MYO16: variants seen among roughly 807,000 people sequenced by gnomAD.
MYO16 encodes myosin XVI.
A neutral mutation model predicts 205.3 loss-of-function variants in MYO16; 94 were observed. The ratio of observed to expected loss-of-function variants is 0.46; its 90% CI spans 0.39 to 0.54. The LOEUF (loss-of-function observed/expected upper bound fraction) is 0.54. MYO16 is among the 20% of genes least tolerant of loss of function. The pLI is 0.00. For synonymous variants in MYO16, 988 were observed against 954.0 expected, an observed-to-expected ratio of 1.04 and a Z score of -0.66; for missense variants, 2,315 against 2,387.5, an observed-to-expected ratio of 0.97 and a Z score of 0.63.
At position 108,910,146 on chromosome 13, in the gene MYO16, C is replaced by A; in HGVS notation, c.1921C>A (p.His641Asn). ...ACTTCATCTTAATAATTTATGTGCACACCGGTGAGTGACTAAGTATTTTGT... is the reference window on the plus strand; with the variant it reads ...ACTTCATCTTAATAATTTATGTGCAAACCGGTGAGTGACTAAGTATTTTGT... ...YGLHLNNLCA[H>N]RYLNQTIQDD... The change falls in exon 16 of 35, where the codon CAC becomes AAC. Residue 641 changes from histidine (H) to asparagine (N), a missense_variant. Physicochemically the swap from His to Asn is moderately conservative, Grantham distance 68. This residue lies in a region of MYO16 where 1,213 missense variants were observed against 1,274.4 expected (regional missense o/e 0.95). Coordinates refer to ENST00000457511, the MANE Select transcript of MYO16 (RefSeq NM_001198950.3). The A allele has an allele frequency of 6.2e-7, 1 of 1,611,884 alleles. No individual in the cohort carries two copies. Among genetic ancestry groups the A allele is most frequent in the Non-Finnish European group, 8.5e-7 (1 of 1,178,726 alleles).
At chr13:108,738,621 G>A (rs1422579725) in intron 4 of MYO16, among the ~76,000 whole-genome samples, 1 of 152,144 alleles carries the variant, frequency 6.6e-6, no homozygotes, top group South Asian at 2.1e-4. Flanking sequence ...CTGTTGATTC[G>A]GGGTGAAGAG....
chr13:108,762,416 C>A (rs766192839), intron 4 of MYO16, among the ~76,000 whole-genome samples: 18 of 152,250 alleles, frequency 1.2e-4, no homozygotes, highest in Middle Eastern at 3.4e-3. Context: ...TGAGAAATAT[C>A]CATACTGTTT....
At chr13:108,712,118 T>C (rs181761586) in intron 2 of MYO16, among the ~76,000 whole-genome samples, 46 of 152,328 alleles carry the variant, frequency 3.0e-4, no homozygotes, top group Admixed American at 2.7e-3. Flanking sequence ...GTAATTGGTA[T>C]ATAGTTTGAT....
Position 109,141,453 on chromosome 13 carries a change from C to A in MYO16, c.5164+77C>A. On this transcript the variant is annotated intron_variant, in intron 32 of 34. Transcript: ENST00000457511. This position sits in a 1 kb window ranked among gnomAD's most constrained non-coding sequence, Gnocchi z 4.1. Reference sequence around the variant, plus strand: ...GTGCACCTGTGTACATCCGTGTCTGCGCAGATGTGAAATAGTAAAGTTTCA... The same window carrying A: ...GTGCACCTGTGTACATCCGTGTCTGAGCAGATGTGAAATAGTAAAGTTTCA... 1 of 999,886 alleles carries A rather than the reference C, an allele frequency of 1.0e-6. No individual in the cohort carries two copies. The highest frequency in any genetic ancestry group is 1.4e-6 in the Non-Finnish European group (1 of 732,930). The allele number at this position is 999,886 out of a possible 1,614,324, so 61.9% of individuals were successfully genotyped here.
intron 28 of MYO16, among the ~76,000 whole-genome samples, chr13:109,117,127 T>TA (rs1345974008): frequency 7.1e-6 from 1 of 141,402 alleles, no homozygotes; most frequent in Non-Finnish European, 1.5e-5. Flanking sequence ...TTCTGTGACT[T>TA]ATTCTGGATT....
chr13:108,922,666 G>A (rs553724320), intron 16 of MYO16, among the ~76,000 whole-genome samples: 9 of 152,314 alleles, frequency 5.9e-5, no homozygotes, highest in Admixed American at 2.0e-4. Flanking sequence ...GACATACGTC[G>A]TAGGAGTTAT....
intron 27 of MYO16, among the ~76,000 whole-genome samples, chr13:109,083,470 T>G (rs1049680850): frequency 8.9e-5 from 13 of 146,806 alleles, no homozygotes; most frequent in African/African-American, 3.3e-4. Flanking sequence ...GAATTGTCCA[T>G]TGGGTCTGTG....
intron 12 of MYO16, among the ~76,000 whole-genome samples, chr13:108,879,343 CA>C (rs1879488643): frequency 6.6e-6 from 1 of 151,888 alleles, no homozygotes. Context: ...ATAAATTGTA[CA>C]GGCAACTTTT....
Position 108,666,045 on chromosome 13 carries a change from A to T in MYO16, c.188A>T (p.Gln63Leu). ...YYEREKAFQKQEGFLKRLKHA... is the reference protein window; with the variant it reads ...YYEREKAFQKLEGFLKRLKHA... ...GAGCGCGAGAAGGCTTTTCAGAAGC[A>T]GGAAGGGTTCCTGAAAAGGCTGAAG... The change falls in exon 2 of 35, where the codon CAG (glutamine) becomes CTG (leucine). Residue 63 changes from glutamine (Q) to leucine (L), a missense_variant. Physicochemically the swap from Gln to Leu is moderately radical, Grantham distance 113. Transcript: ENST00000457511. The T allele has an allele frequency of 6.2e-7, 1 of 1,614,194 alleles. No homozygotes were observed. Among genetic ancestry groups the T allele is most frequent in the Non-Finnish European group, 8.5e-7 (1 of 1,180,014 alleles).
intron 24 of MYO16, among the ~76,000 whole-genome samples, chr13:109,049,719 A>G (rs1195245242): frequency 6.6e-6 from 1 of 152,062 alleles, no homozygotes; most frequent in East Asian, 1.9e-4. Context: ...ACTATAAATA[A>G]TTATTTAAGT....
At chr13:109,086,548 A>G (rs1888439904) in intron 27 of MYO16, among the ~76,000 whole-genome samples, 1 of 152,178 alleles carries the variant, frequency 6.6e-6, no homozygotes, top group African/African-American at 2.4e-5. Flanking sequence ...GATCTTCATT[A>G]CCATTATTAG....
At chr13:108,554,477 C>T in the MYO16 span, among the ~76,000 whole-genome samples, 14 of 152,246 alleles carry the variant, frequency 9.2e-5, no homozygotes, top group Admixed American at 2.0e-4. Context: ...TTATTCTTGT[C>T]CACTTATGCA....
chr13:108,629,953 G>T, intron 1 of MYO16, 81 bp downstream of exon 1: 1 of 1,268,398 alleles, frequency 7.9e-7, no homozygotes, highest in Non-Finnish European at 1.1e-6. Flanking sequence ...AATTAAGGCA[G>T]TTCTCCTGGT....
At chr13:109,123,074 AAATT>A (rs1473934132) in intron 29 of MYO16, among the ~76,000 whole-genome samples, 1 of 152,228 alleles carries the variant, frequency 6.6e-6, no homozygotes, top group Non-Finnish European at 1.5e-5. Flanking sequence ...AAATATCTGT[AAATT>A]AAGACCTTAC....
chr13:108,632,591 T>C (rs1210663935), intron 1 of MYO16, among the ~76,000 whole-genome samples: 2 of 152,226 alleles, frequency 1.3e-5, no homozygotes, highest in African/African-American at 4.8e-5. Context: ...TTTATGATAA[T>C]ATCTGTTACT....
At chr13:108,745,432 T>C (rs975373268) in intron 4 of MYO16, among the ~76,000 whole-genome samples, 1 of 152,118 alleles carries the variant, frequency 6.6e-6, no homozygotes, top group African/African-American at 2.4e-5. Context: ...ATAAAAGGAT[T>C]TTATCCATAA....
Position 108,610,400 on chromosome 13 carries a change from T to C in MYO16, c.-39+14161T>C, listed in dbSNP as rs1184160666. Among the ~76,000 whole-genome samples the C allele has an allele frequency of 3.9e-5, 6 of 152,196 alleles. No individual in the cohort carries two copies. The South Asian group carries it at 1.0e-3, about 26-fold the overall frequency. On this transcript the variant is annotated intron_variant, in intron 1 of 24. Transcript: ENST00000251041. Reference sequence around the variant, plus strand: ...CTGCACTAGACATTTTTTCTTGTACTGTACTTCAAAATATTTGGGACCTGG... The same window carrying C: ...CTGCACTAGACATTTTTTCTTGTACCGTACTTCAAAATATTTGGGACCTGG...
At chr13:108,631,341 A>T (rs191704710) in intron 1 of MYO16, among the ~76,000 whole-genome samples, 35 of 152,326 alleles carry the variant, frequency 2.3e-4, no homozygotes, top group African/African-American at 8.4e-4. Flanking sequence ...TGAGAGATTC[A>T]GGGAGCAGTT....
chr13:108,752,808 A>ATT (rs58645882), intron 4 of MYO16, among the ~76,000 whole-genome samples: 51 of 90,580 alleles, frequency 5.6e-4, no homozygotes, highest in Admixed American at 1.6e-3. Context: ...TGCCCAGCTA[A>ATT]TTTTTTTTTT....
Sources: allele counts gnomAD v4.1 joint callset (sites outside exome capture counted in the v4.1 genomes callset), GRCh38; gene constraint gnomAD v4.1.1; regional missense constraint gnomAD v4.1.1; non-coding constraint Gnocchi (gnomAD v3.1); transcripts MANE v1.5; gene names NCBI Gene and HGNC (gene_info 2026-07-23, HGNC 2026-07-21).